Variants in ECPAS observed in about 807,000 individuals in gnomAD.
ECPAS encodes the protein Ecm29 proteasome adaptor and scaffold.
In ECPAS, 70 loss-of-function variants were observed where a neutral mutation model predicts 255.1. The ratio of observed to expected loss-of-function variants is 0.27; its 90% CI spans 0.23 to 0.33. The LOEUF (loss-of-function observed/expected upper bound fraction) is 0.33, where lower values mean the gene tolerates loss of function less well. Ranked by LOEUF, ECPAS falls within the 10% of genes least tolerant of loss-of-function variation. The pLI is 1.00. For missense variants in ECPAS, 1,817 were observed against 2,206.4 expected, an observed-to-expected ratio of 0.82 and a Z score of 3.54; for synonymous variants, 784 against 775.0, an observed-to-expected ratio of 1.01 and a Z score of -0.19.
At chr9:111,367,794 A>C (rs775339490) in intron 46 of ECPAS, among the ~76,000 whole-genome samples, 6 of 152,186 alleles carry the variant, frequency 3.9e-5, no homozygotes, top group Non-Finnish European at 7.3e-5. Context: ...CTATAATCCC[A>C]GCACTTTGAG....
At position 111,413,109 on chromosome 9, in the gene ECPAS, G is replaced by A. The variant is rs558908120; in HGVS notation, c.2079+786C>T. Among the ~76,000 whole-genome samples the A allele has an allele frequency of 1.1e-4, 17 of 152,284 alleles. No individual in the cohort carries two copies. In the South Asian group the frequency reaches 3.1e-3, roughly 28 times the overall value. On this transcript the variant is annotated intron_variant, in intron 20 of 49. Coordinates refer to ENST00000684092, the MANE Select transcript of ECPAS (RefSeq NM_001364929.1). ...AGAAGTGTACATTGGTACCACACACGGAGGGTGTGGCATTACCTATGAAAA... is the reference window on the plus strand; with the variant it reads ...AGAAGTGTACATTGGTACCACACACAGAGGGTGTGGCATTACCTATGAAAA...
chr9:111,457,391 A>G (rs112110349), intron 2 of ECPAS, among the ~76,000 whole-genome samples: 1 of 152,184 alleles, frequency 6.6e-6, no homozygotes, highest in Non-Finnish European at 1.5e-5. Flanking sequence ...AAGAGGGAAA[A>G]AATTATTAGA....
At chr9:111,376,408 G>C in intron 37 of ECPAS, 68 bp downstream of exon 37, 1 of 1,278,942 alleles carries the variant, frequency 7.8e-7, no homozygotes, top group Non-Finnish European at 1.1e-6. Context: ...AACATAGCCT[G>C]AAGACTTTGA....
rs534510035 is a variant in ECPAS at position 111,421,295 on chromosome 9, T to C, written c.1455+626A>G. On this transcript the variant is annotated intron_variant, in intron 15 of 49. Transcript: ENST00000684092. ...TCTAATTCCATTAGGACACAATTTA[T>C]ATTAATCTGACTGACACTTTTTAGT... Among the ~76,000 whole-genome samples, 43 of 152,278 alleles carry C rather than the reference T, an allele frequency of 2.8e-4. 1 individual carries two copies. The South Asian group carries it at 5.6e-3, about 20-fold the overall frequency.
intron 42 of ECPAS, 50 bp downstream of exon 42, chr9:111,372,379 T>C (rs763675295): frequency 6.5e-7 from 1 of 1,535,154 alleles, no homozygotes; most frequent in Non-Finnish European, 8.9e-7. Context: ...AGTAAAAAAT[T>C]CTAGCTGTGA....
chr9:111,484,293 C>A lies in ECPAS; in HGVS notation c.-260G>T, dbSNP rs1281786641. 1.9e-6 allele frequency: 3 copies of A among 1,544,004 alleles called. No individual in the cohort carries two copies. Among genetic ancestry groups the A allele is most frequent in the Non-Finnish European group, 2.6e-6 (3 of 1,146,764 alleles). On this transcript the variant is annotated 5_prime_UTR_variant, in exon 1 of 50. Transcript: ENST00000684092. The stretch of plus-strand genomic sequence containing the variant: ...GCCGGGGGAAATCCTCGAGGCGGGG[C>A]CGGAGCGCCCTTTTCCGAGGTCTGC...
intron 24 of ECPAS, among the ~76,000 whole-genome samples, chr9:111,399,234 T>C (rs2098171948): frequency 6.6e-6 from 1 of 151,570 alleles, no homozygotes; most frequent in Non-Finnish European, 1.5e-5. Context: ...CCCCTCCCCA[T>C]CTAATGCAGG....
chr9:111,370,289 T>C, intron 45 of ECPAS, 146 bp downstream of exon 45: 1 of 596,192 alleles, frequency 1.7e-6, no homozygotes, highest in Non-Finnish European at 2.9e-6. Context: ...AACATAGCAT[T>C]GACTATCTTG....
In ECPAS at chr9:111,428,078, A is replaced by G. The variant is rs2098224380; in HGVS notation, c.1014T>C (p.Ser338=). 8 of 1,613,646 alleles carry G rather than the reference A, an allele frequency of 5.0e-6. No individual in the cohort carries two copies. In the Middle Eastern group the frequency reaches 5.0e-4, roughly 100 times the overall value. Residue 338 remains serine, a synonymous_variant, in exon 10 of 50, where the codon TCT becomes TCC. Coordinates refer to ENST00000684092, the MANE Select transcript of ECPAS (RefSeq NM_001364929.1). ...KLKIVPHLLR[S]RQAAETFPAN... is the part of the protein sequence containing the mutation. ...CTGGGAACGTTTCAGCAGCTTGTCT[A>G]GAGCGGAGGAGATGGGGGACAATCT...
At chr9:111,467,005 C>G (rs568201654) in intron 2 of ECPAS, among the ~76,000 whole-genome samples, 1 of 152,232 alleles carries the variant, frequency 6.6e-6, no homozygotes, top group African/African-American at 2.4e-5. Flanking sequence ...TCCTCCTACC[C>G]GCATAAAAAG....
At chr9:111,483,943 G>GCGCC (rs1454733228) in intron 1 of ECPAS, 173 bp downstream of exon 1, 33 of 911,940 alleles carry the variant, frequency 3.6e-5, no homozygotes, top group African/African-American at 2.0e-4. Context: ...GGCCCCTCGC[G>GCGCC]CGCCCGCCCG....
At chr9:111,483,396 C>T in intron 1 of ECPAS, 1 of 407,470 alleles carries the variant, frequency 2.5e-6, no homozygotes, top group Non-Finnish European at 3.3e-6. Context: ...GCCGCGGCCG[C>T]CGCCCGCCCA....
At chr9:111,405,384 C>A (rs2098182494) in intron 24 of ECPAS, among the ~76,000 whole-genome samples, 1 of 149,520 alleles carries the variant, frequency 6.7e-6, no homozygotes, top group South Asian at 2.1e-4. Context: ...AAACTGGGCC[C>A]CTTTGTCTCA....
rs1161790026 is a variant in ECPAS at position 111,407,403 on chromosome 9, GAAAAAAAAAAAAAAAAAAA to G, written c.2652+1149_2652+1167del. ...GGAGACAGAGCAAAACTCCATCTCA[GAAAAAAAAAAAAAAAAAAA>G]AAAAAAAAAAAAAAAACCTAGAAGA... On this transcript the variant is annotated intron_variant, in intron 24 of 49. Coordinates refer to ENST00000684092, the MANE Select transcript of ECPAS (RefSeq NM_001364929.1). 4.0e-3 allele frequency among the ~76,000 whole-genome samples: 48 copies of G among 12,080 alleles called. 1 individual carries two copies. Among genetic ancestry groups the G allele is most frequent in the East Asian group, 0.021 (14 of 676 alleles). The allele number at this position is 12,080 out of a possible 152,430, so 7.9% of individuals were successfully genotyped here.
chr9:111,391,060 G>T (rs1221003125), intron 29 of ECPAS, among the ~76,000 whole-genome samples: 1 of 152,142 alleles, frequency 6.6e-6, no homozygotes, highest in African/African-American at 2.4e-5. Flanking sequence ...AAAGGGCCAG[G>T]CTCCATGCCT....
Position 111,372,498 on chromosome 9 carries a change from C to A in ECPAS, c.4459G>T (p.Ala1487Ser). 6.2e-7 allele frequency: 1 copy of A among 1,613,860 alleles called. No homozygotes were observed. The highest frequency in any genetic ancestry group is 8.5e-7 in the Non-Finnish European group (1 of 1,179,804). Residue 1487 changes from alanine (A) to serine (S), a missense_variant, in exon 42 of 50, where the codon GCT becomes TCT. Coordinates refer to ENST00000684092, the MANE Select transcript of ECPAS (RefSeq NM_001364929.1). ...TCTTTTTCGGATTTCTCCTCATCAGCAATTTCATGCATGCCTAAAAATGCC... is the reference window on the plus strand; with the variant it reads ...TCTTTTTCGGATTTCTCCTCATCAGAAATTTCATGCATGCCTAAAAATGCC... The part of the protein sequence containing the change: ...PLAFLGMHEI[A>S]DEEKSEKEEC...
chr9:111,375,132 C>G lies in ECPAS; in HGVS notation c.4091G>C (p.Gly1364Ala). Residue 1364 changes from glycine to alanine, a missense_variant, in exon 38 of 50, where the codon GGT becomes GCT. By Grantham distance (60) the Gly-to-Ala change is moderately conservative. Transcript: ENST00000684092. The part of the protein sequence containing the change: ...VPRLCELIRS[G>A]VGLGTKGGCA... ...ACTTACCTTAGTTCCAAGACCTACA[C>G]CACTTCTGATCAGTTCACACAACCT... is the stretch of plus-strand genomic sequence containing the variant. The G allele has an allele frequency of 6.2e-7, 1 of 1,613,494 alleles. No homozygotes were observed.
chr9:111,411,226 G>A, intron 21 of ECPAS, 84 bp from the exon 22 acceptor site: 1 of 1,352,116 alleles, frequency 7.4e-7, no homozygotes, highest in Admixed American at 1.9e-5. Context: ...TGTCGATTAG[G>A]ATCATCTCTC....
At chr9:111,393,827 T>C (rs1238134401) in intron 26 of ECPAS, 93 bp from the exon 27 acceptor site, 2 of 954,206 alleles carry the variant, frequency 2.1e-6, no homozygotes, top group Non-Finnish European at 3.2e-6. Context: ...TTTGTAGTCT[T>C]ATTATCCAAG....
Sources: allele counts gnomAD v4.1 joint callset (sites outside exome capture counted in the v4.1 genomes callset), GRCh38; gene constraint gnomAD v4.1.1; transcripts MANE v1.5; gene names NCBI Gene and HGNC (gene_info 2026-07-23, HGNC 2026-07-21).